Variants in WDFY3 observed in about 807,000 individuals in gnomAD.
WDFY3 encodes WD repeat and FYVE domain containing 3.
Under a neutral mutation model 409.6 loss-of-function variants are expected in WDFY3, and 66 were observed. The ratio of observed to expected loss-of-function variants is 0.16; its 90% CI spans 0.13 to 0.20. The LOEUF (loss-of-function observed/expected upper bound fraction) is 0.20, where lower values mean the gene tolerates loss of function less well. WDFY3 is among the 10% of genes least tolerant of loss of function. The pLI, the probability that WDFY3 is intolerant of heterozygous loss-of-function variation, is 1.00. For missense variants in WDFY3, 3,031 were observed against 4,298.1 expected (o/e 0.71, Z 8.24); for synonymous variants, 1,521 against 1,537.1 (o/e 0.99, Z 0.25).
Position 84,715,571 on chromosome 4 carries a change from G to A in WDFY3, c.7876-188C>T, listed in dbSNP as rs565387979. 6.6e-5 allele frequency among the ~76,000 whole-genome samples: 10 copies of A among 151,654 alleles called. No individual in the cohort carries two copies. The East Asian group carries it at 9.7e-4, about 15-fold the overall frequency. On this transcript the variant is annotated intron_variant, in intron 49 of 67. Coordinates refer to ENST00000295888, the MANE Select transcript of WDFY3 (RefSeq NM_014991.6). ...GGGTGGATCACAAGGTCAGGAGATCGAGACCATCCTGGCTAACACAGTGAA... is the reference window on the plus strand; with the variant it reads ...GGGTGGATCACAAGGTCAGGAGATCAAGACCATCCTGGCTAACACAGTGAA...
intron 3 of WDFY3, chr4:84,879,402 C>T (rs1345413349): frequency 6.6e-6 from 1 of 152,164 alleles, no homozygotes; most frequent in African/African-American, 2.4e-5. Flanking sequence ...CACTCCCAAC[C>T]CACCTGAATT....
chr4:84,752,896 C>T (rs927909946), intron 35 of WDFY3, among the ~76,000 whole-genome samples: 4 of 152,116 alleles, frequency 2.6e-5, no homozygotes, highest in African/African-American at 7.2e-5. Context: ...TCAACATCAA[C>T]GTGCAAAAGT....
At chr4:84,780,889 G>A (rs1315175144) in intron 25 of WDFY3, among the ~76,000 whole-genome samples, 1 of 152,156 alleles carries the variant, frequency 6.6e-6, no homozygotes, top group Non-Finnish European at 1.5e-5. Context: ...GGGCTTTACA[G>A]CAAGCACAAA....
chr4:84,678,397 CT>C (rs1362446972), intron 65 of WDFY3, 118 bp from the exon 66 acceptor site: 2 of 679,936 alleles, frequency 2.9e-6, no homozygotes, highest in Non-Finnish European at 5.2e-6. Context: ...GCTACAGCAG[CT>C]TTTCCAGTTC....
intron 47 of WDFY3, among the ~76,000 whole-genome samples, chr4:84,720,256 A>G (rs1028640618): frequency 2.0e-5 from 3 of 152,202 alleles, no homozygotes; most frequent in Non-Finnish European, 4.4e-5. Context: ...AGGCATCATG[A>G]AAGTATAGAG....
intron 39 of WDFY3, chr4:84,739,333 T>G: frequency 2.0e-6 from 1 of 490,224 alleles, no homozygotes; most frequent in Non-Finnish European, 3.7e-6. Flanking sequence ...ATCTATAGCA[T>G]CAAGATTATT....
chr4:84,739,305 C>T (rs1038483124), intron 39 of WDFY3, 186 bp from the exon 40 acceptor site: 18 of 570,378 alleles, frequency 3.2e-5, no homozygotes, highest in African/African-American at 5.6e-5. Context: ...ATCCACCTGA[C>T]TAAATGTAAT....
At chr4:84,674,587 A>ATC in intron 67 of WDFY3, among the ~76,000 whole-genome samples, 1 of 151,882 alleles carries the variant, frequency 6.6e-6, no homozygotes, top group South Asian at 2.1e-4. Context: ...ATATATATAT[A>ATC]GGCTGGGTGC....
At chr4:84,832,436 TA>T (rs1433270092) in intron 7 of WDFY3, among the ~76,000 whole-genome samples, 1 of 152,042 alleles carries the variant, frequency 6.6e-6, no homozygotes, top group African/African-American at 2.4e-5. Flanking sequence ...TGAATATTAT[TA>T]AAAAAACAAT....
chr4:84,915,997 T>C (rs2092670993), intron 2 of WDFY3, among the ~76,000 whole-genome samples: 1 of 152,216 alleles, frequency 6.6e-6, no homozygotes, highest in Non-Finnish European at 1.5e-5. Flanking sequence ...TTATATTTTA[T>C]GTTTCTAATC....
intron 2 of WDFY3, among the ~76,000 whole-genome samples, chr4:84,918,393 G>T (rs1023798294): frequency 1.3e-4 from 20 of 152,076 alleles, no homozygotes; most frequent in African/African-American, 4.6e-4. Flanking sequence ...AATTTCCAGG[G>T]TATATTTTCC....
chr4:84,741,451 A>G (rs1008432667), intron 38 of WDFY3, among the ~76,000 whole-genome samples: 3 of 151,964 alleles, frequency 2.0e-5, no homozygotes, highest in Non-Finnish European at 4.4e-5. Flanking sequence ...AGTAGCTGGA[A>G]TTACAGGCGC....
intron 13 of WDFY3, among the ~76,000 whole-genome samples, chr4:84,812,869 T>C (rs989881840): frequency 2.0e-5 from 3 of 152,178 alleles, no homozygotes; most frequent in African/African-American, 2.4e-5. Context: ...CCATGAATAA[T>C]GTAACTTCCC....
chr4:84,869,140 C>T (rs1161626372), intron 3 of WDFY3, among the ~76,000 whole-genome samples: 1 of 152,176 alleles, frequency 6.6e-6, no homozygotes, highest in African/African-American at 2.4e-5. Flanking sequence ...GAATGAGATG[C>T]ACTTCAGCTG....
intron 1 of WDFY3, among the ~76,000 whole-genome samples, 182 bp downstream of exon 1, chr4:84,966,027 C>A (rs901448871): frequency 1.3e-5 from 2 of 151,972 alleles, no homozygotes; most frequent in Non-Finnish European, 2.9e-5. Flanking sequence ...CGGCTCCCGG[C>A]CAAGGCGGAC....
Position 84,678,934 on chromosome 4 carries a change from T to G in WDFY3, c.10132A>C (p.Ser3378Arg). ...HPNPIEVRNY[S>R]RLKPGYRWER... Reference sequence around the variant, plus strand: ...TTCAAGTTACCAGGTTTCAATCTGCTGTAATTCCGCACCTCAATGGGATTG... The same window carrying G: ...TTCAAGTTACCAGGTTTCAATCTGCGGTAATTCCGCACCTCAATGGGATTG... The change falls in exon 65 of 68, where the codon AGC (serine) becomes CGC (arginine). Residue 3378 changes from serine to arginine, a missense_variant. Physicochemically the swap from Ser to Arg is moderately radical, Grantham distance 110. Transcript: ENST00000295888. 6.2e-7 allele frequency: 1 copy of G among 1,612,808 alleles called. No homozygotes were observed. Among genetic ancestry groups the G allele is most frequent in the Non-Finnish European group, 8.5e-7 (1 of 1,179,278 alleles).
rs767633725 is a variant in WDFY3 at position 84,796,557 on chromosome 4, G to T, written c.3131C>A (p.Ala1044Asp). The T allele has an allele frequency of 1.2e-6, 2 of 1,604,362 alleles. No homozygotes were observed. Among genetic ancestry groups the T allele is most frequent in the Non-Finnish European group, 1.7e-6 (2 of 1,174,714 alleles). ...IRLHGSSVTP[A>D]FVEFDTSLEG... ...AAGTGATGTGTCAAATTCAACAAAA[G>T]CTGGAGTAACTGATGACCCATGAAG... The change falls in exon 19 of 68, where the codon GCT becomes GAT. Residue 1044 changes from alanine to aspartate, a missense_variant. Physicochemically the swap from Ala to Asp is moderately radical, Grantham distance 126. This residue lies in a region of WDFY3 where 1,322 missense variants were observed against 1,697.9 expected (regional missense o/e 0.78). Transcript: ENST00000295888.
intron 3 of WDFY3, among the ~76,000 whole-genome samples, chr4:84,867,161 T>C (rs1761502146): frequency 6.6e-6 from 1 of 152,244 alleles, no homozygotes. Context: ...CAATAAATGT[T>C]ATCTTTTCTT....
At chr4:84,720,131 G>T (rs1734600193) in intron 47 of WDFY3, among the ~76,000 whole-genome samples, 1 of 152,116 alleles carries the variant, frequency 6.6e-6, no homozygotes, top group Non-Finnish European at 1.5e-5. Flanking sequence ...ACCTGTGTAA[G>T]GCAATGAGAT....
Sources: gnomAD v4.1 joint callset for allele counts (sites outside exome capture counted in the v4.1 genomes callset) on GRCh38, gnomAD v4.1.1 for gene constraint, gnomAD v4.1.1 regional missense constraint, MANE v1.5 for transcripts, NCBI Gene and HGNC (gene_info 2026-07-23, HGNC 2026-07-21) for gene names.